Variants in RAB33A observed in about 807,000 individuals in gnomAD.
RAB33A encodes the protein RAB33A, member RAS oncogene family, also known as ras-related protein Rab-33A.
RAB33A carries 6 observed loss-of-function variants against 12.0 expected under a neutral mutation model. The ratio of observed to expected loss-of-function variants is 0.50; its 90% confidence interval spans 0.27 to 0.99. The LOEUF (loss-of-function observed/expected upper bound fraction) is 0.99, where lower values mean the gene tolerates loss of function less well. Among genes scored for constraint, RAB33A ranks in the 50% least tolerant of loss-of-function variants. The probability of loss-of-function intolerance (pLI) is 0.11; values close to 1 mark genes in which losing one functional copy is unlikely to be tolerated. For missense variants in RAB33A, 109 were observed against 192.0 expected, an observed-to-expected ratio of 0.57 and a Z score of 2.55; for synonymous variants, 70 against 82.4, an observed-to-expected ratio of 0.85 and a Z score of 0.81.
chrX:130,148,188 T>C, the RAB33A span, among the ~76,000 whole-genome samples: 1 of 112,146 alleles, frequency 8.9e-6, no homozygotes, highest in Admixed American at 9.5e-5. Flanking sequence ...TATACATCAG[T>C]AGGCTTTTGC....
the RAB33A span, chrX:130,133,285 T>C: frequency 1.7e-6 from 2 of 1,209,241 alleles, no homozygotes; most frequent in African/African-American, 1.7e-5. Flanking sequence ...TTGTAATCAG[T>C]TGGGTCTCCA....
At chrX:130,137,800 C>T in the RAB33A span, 1 of 930,348 alleles carries the variant, frequency 1.1e-6, no homozygotes, top group African/African-American at 2.1e-5. Flanking sequence ...CAGTGACTCA[C>T]ACCTATAATC....
At chrX:130,180,380 G>A (rs1181131804) in intron 1 of RAB33A, among the ~76,000 whole-genome samples, 1 of 112,565 alleles carries the variant, frequency 8.9e-6, no homozygotes, top group East Asian at 2.8e-4. Context: ...CAGGTGGATC[G>A]GCAGTGATTG....
the RAB33A span, among the ~76,000 whole-genome samples, chrX:130,126,893 C>T: frequency 1.8e-5 from 2 of 112,460 alleles, no homozygotes; most frequent in East Asian, 2.8e-4. Context: ...TGCATGGGCA[C>T]TAGTCCAACT....
chrX:130,141,376 G>A, the RAB33A span, among the ~76,000 whole-genome samples: 1 of 111,542 alleles, frequency 9.0e-6, no homozygotes, highest in African/African-American at 3.3e-5. Context: ...ACCCATGTGT[G>A]GAAAAGGAGA....
chrX:130,159,577 C>A, the RAB33A span, among the ~76,000 whole-genome samples: 14 of 111,263 alleles, frequency 1.3e-4, 3 homozygotes, highest in Admixed American at 1.2e-3. Context: ...TCCACCTCTA[C>A]CCCTGGTTCA....
the RAB33A span, among the ~76,000 whole-genome samples, chrX:130,139,427 T>C: frequency 8.9e-6 from 1 of 111,838 alleles, no homozygotes. Context: ...CCTTGCTTTT[T>C]ATTTAGGTAC....
At chrX:130,169,297 T>C (rs762444895), upstream of RAB33A, among the ~76,000 whole-genome samples, 5 of 111,530 alleles carry the variant, frequency 4.5e-5, no homozygotes, top group Non-Finnish European at 9.4e-5. Context: ...TTGATTTTTA[T>C]TGATATTTGT....
At chrX:130,121,237 T>TTTTTC in the RAB33A span, among the ~76,000 whole-genome samples, 30 of 110,378 alleles carry the variant, frequency 2.7e-4, no homozygotes, top group African/African-American at 9.3e-4. Context: ...TCCTTTCTTT[T>TTTTTC]TTTTCTTTTC....
At chrX:130,176,619 G>A (rs1028065412) in intron 1 of RAB33A, among the ~76,000 whole-genome samples, 1 of 112,314 alleles carries the variant, frequency 8.9e-6, no homozygotes, top group Non-Finnish European at 1.9e-5. Flanking sequence ...CTTCCTTAGG[G>A]CTTCTGAGCT....
At chrX:130,181,760 A>G (rs2031728738) in intron 1 of RAB33A, among the ~76,000 whole-genome samples, 1 of 110,647 alleles carries the variant, frequency 9.0e-6, no homozygotes, top group African/African-American at 3.3e-5. Context: ...TAGCCTGGCC[A>G]ACATGGTGAA....
the RAB33A span, chrX:130,129,510 C>A: frequency 2.7e-6 from 3 of 1,114,387 alleles, no homozygotes; most frequent in African/African-American, 5.4e-5. Context: ...ACCCATTCGA[C>A]CTCCTCTCAG....
At chrX:130,128,408 A>G in the RAB33A span, among the ~76,000 whole-genome samples, 1 of 110,955 alleles carries the variant, frequency 9.0e-6, no homozygotes, top group Admixed American at 9.6e-5. Flanking sequence ...CCCCATCTCT[A>G]CTAAAAATAC....
intron 1 of RAB33A, among the ~76,000 whole-genome samples, chrX:130,182,179 T>TATATACACACACAC (rs370694549): frequency 1.4e-5 from 1 of 72,698 alleles, no homozygotes; most frequent in African/African-American, 6.2e-5. Flanking sequence ...TATATATATA[T>TATATACACACACAC]ATACACATAT....
rs956087324 is a variant in RAB33A, at chrX:130,172,371, G to GC, written c.258+54dup. 4.3e-6 allele frequency: 5 copies of GC among 1,152,673 alleles called. No individual in the cohort carries two copies. In the African/African-American group the frequency reaches 9.0e-5, roughly 21 times the overall value. 95.0% of individuals were successfully genotyped at this position (1,152,673 alleles called of 1,213,427 possible). A position where few individuals can be genotyped will look rare whatever the true frequency, so the allele number is the denominator to read the frequency against. ...AGGGTGGGACCCGGGAGGGGACCTC[G>GC]CCCGAGGCATAGCTCTAGCGGTTGT... On this transcript the variant is annotated intron_variant, in intron 1 of 1. Transcript: ENST00000257017.
the RAB33A span, among the ~76,000 whole-genome samples, chrX:130,140,844 CA>C: frequency 2.7e-5 from 3 of 112,404 alleles, no homozygotes; most frequent in South Asian, 1.1e-3. Context: ...AGGACAGGCA[CA>C]GTGACTCATG....
chrX:130,147,919 C>G, the RAB33A span: 1 of 1,205,702 alleles, frequency 8.3e-7, no homozygotes, highest in Non-Finnish European at 1.1e-6. Context: ...CTTGAAGTCT[C>G]AGATGATTCT....
the RAB33A span, among the ~76,000 whole-genome samples, chrX:130,115,657 G>GAA: frequency 2.1e-5 from 2 of 96,634 alleles, no homozygotes; most frequent in African/African-American, 7.9e-5. Context: ...AAGAAAGAAA[G>GAA]AGAGAAAGAG....
the RAB33A span, chrX:130,145,402 A>T: frequency 1.3e-6 from 1 of 762,495 alleles, no homozygotes; most frequent in Non-Finnish European, 2.0e-6. Flanking sequence ...CATAAATGGT[A>T]ATGGAAACAC....
Sources: allele counts gnomAD v4.1 joint callset (sites outside exome capture counted in the v4.1 genomes callset), GRCh38; gene constraint gnomAD v4.1.1; transcripts MANE v1.5; gene names NCBI Gene and HGNC (gene_info 2026-07-23, HGNC 2026-07-21).